The following NRG3 variants were observed in gnomAD, a reference collection of about 807,000 sequenced individuals.
The protein encoded by NRG3 is pro-neuregulin-3, membrane-bound isoform.
In NRG3, 31 loss-of-function variants were observed where a neutral mutation model predicts 66.9. The observed-to-expected ratio is 0.46, with a 90% confidence interval of 0.35 to 0.63. The LOEUF (loss-of-function observed/expected upper bound fraction) is 0.63. Among genes scored for constraint, NRG3 ranks in the 20% least tolerant of loss-of-function variants. NRG3 has a pLI of 0.00. For synonymous variants in NRG3, 393 were observed against 359.4 expected (o/e 1.09, Z -1.06); for missense variants, 910 against 878.9 (o/e 1.04, Z -0.45).
chr10:82,725,298 C>G (rs1165161651), intron 2 of NRG3, among the ~76,000 whole-genome samples: 1 of 152,166 alleles, frequency 6.6e-6, no homozygotes, highest in Non-Finnish European at 1.5e-5. Flanking sequence ...AAGTCAGAAA[C>G]CTGCACCTAA....
chr10:82,408,058 A>AGAGAGAGAGAGC (rs1564887751), intron 2 of NRG3, among the ~76,000 whole-genome samples: 4 of 120,618 alleles, frequency 3.3e-5, no homozygotes, highest in South Asian at 2.7e-4. Flanking sequence ...AGAGAGAGAG[A>AGAGAGAGAGAGC]GAGAGAGAGA....
intron 2 of NRG3, among the ~76,000 whole-genome samples, chr10:82,424,292 T>G (rs2089275948): frequency 6.6e-6 from 1 of 152,022 alleles, no homozygotes; most frequent in Admixed American, 6.6e-5. Context: ...CCAATTTCTC[T>G]ATATCTTCAT....
chr10:81,950,000 G>A (rs1263315224), intron 1 of NRG3, among the ~76,000 whole-genome samples: 1 of 152,124 alleles, frequency 6.6e-6, no homozygotes, highest in Non-Finnish European at 1.5e-5. Context: ...AGATTTCCCA[G>A]GGGACTCTGG....
intron 1 of NRG3, among the ~76,000 whole-genome samples, chr10:81,984,361 T>A (rs2060444678): frequency 6.6e-6 from 1 of 152,238 alleles, no homozygotes; most frequent in Non-Finnish European, 1.5e-5. Context: ...ATTACCACTG[T>A]TATTAATTTA....
At chr10:82,077,656 C>A (rs1362996089) in intron 1 of NRG3, among the ~76,000 whole-genome samples, 1 of 152,154 alleles carries the variant, frequency 6.6e-6, no homozygotes, top group Non-Finnish European at 1.5e-5. Flanking sequence ...TAAGGGCAAG[C>A]AAACATCTTG....
intron 2 of NRG3, among the ~76,000 whole-genome samples, chr10:82,719,377 C>T (rs2057162257): frequency 6.6e-6 from 1 of 152,194 alleles, no homozygotes; most frequent in Non-Finnish European, 1.5e-5. Context: ...GATAAAGATA[C>T]ATACCTTAAT....
In NRG3 at chr10:82,514,066, C is replaced by T. The variant is rs759443480; in HGVS notation, c.953+155198C>T. 7.7e-4 allele frequency among the ~76,000 whole-genome samples: 117 copies of T among 151,986 alleles called. 1 individual carries two copies. The highest frequency in any genetic ancestry group is 2.2e-4 in the Non-Finnish European group (15 of 67,994). The stretch of plus-strand genomic sequence containing the variant: ...TTTTTTCCTGTAATTTGTTTAAGTT[C>T]CTTGTAGATTCTGGATATTAGACCT... On this transcript the variant is annotated intron_variant, in intron 2 of 8. Coordinates refer to ENST00000372141, the MANE Select transcript of NRG3 (RefSeq NM_001010848.4).
intron 1 of NRG3, among the ~76,000 whole-genome samples, chr10:82,316,544 G>A (rs990987191): frequency 2.0e-5 from 3 of 152,112 alleles, no homozygotes; most frequent in Admixed American, 1.3e-4. Context: ...GTAAAATGAA[G>A]GGGTGGGACC....
chr10:82,577,351 T>G (rs1367557498), intron 2 of NRG3, among the ~76,000 whole-genome samples: 1 of 151,746 alleles, frequency 6.6e-6, no homozygotes, highest in Non-Finnish European at 1.5e-5. Context: ...TTGAATTAAA[T>G]TGAATGAAGT....
chr10:82,529,145 A>C (rs552117731), intron 2 of NRG3, among the ~76,000 whole-genome samples: 146 of 152,326 alleles, frequency 9.6e-4, no homozygotes, highest in Non-Finnish European at 1.7e-3. Context: ...TCATAGCTAA[A>C]TCTCTCTTTG....
intron 2 of NRG3, among the ~76,000 whole-genome samples, chr10:82,664,150 T>A (rs2052579959): frequency 6.6e-6 from 1 of 152,208 alleles, no homozygotes; most frequent in Non-Finnish European, 1.5e-5. Flanking sequence ...ATGTCCATAA[T>A]ATATATCATT....
chr10:82,374,260 CGTT>C (rs1332493273), intron 2 of NRG3, among the ~76,000 whole-genome samples: 1 of 152,152 alleles, frequency 6.6e-6, no homozygotes, highest in Non-Finnish European at 1.5e-5. Context: ...TGCAAAGAAA[CGTT>C]GTATCCACAT....
At chr10:82,710,370 C>T (rs1193617109) in intron 2 of NRG3, among the ~76,000 whole-genome samples, 3 of 152,030 alleles carry the variant, frequency 2.0e-5, no homozygotes, top group Admixed American at 6.6e-5. Context: ...TGAATCCTCT[C>T]AGGTCGGGAG....
At chr10:82,533,478 A>G (rs1847505038) in intron 2 of NRG3, among the ~76,000 whole-genome samples, 1 of 151,618 alleles carries the variant, frequency 6.6e-6, no homozygotes, top group South Asian at 2.1e-4. Flanking sequence ...ATGGTATAAG[A>G]TAAAGGTCCA....
At chr10:82,879,154 G>A (rs1374067692) in intron 4 of NRG3, among the ~76,000 whole-genome samples, 1 of 152,038 alleles carries the variant, frequency 6.6e-6, no homozygotes, top group African/African-American at 2.4e-5. Context: ...TTTCTCATCA[G>A]CCTCTTCACT....
intron 1 of NRG3, among the ~76,000 whole-genome samples, chr10:82,294,450 TGTGTGTGTGTG>T (rs2079935904): frequency 6.6e-6 from 1 of 151,856 alleles, no homozygotes; most frequent in East Asian, 1.9e-4. Flanking sequence ...TGTGTGTGTG[TGTGTGTGTGTG>T]TGTATGTGTG....
At chr10:82,313,196 G>T (rs940385745) in intron 1 of NRG3, among the ~76,000 whole-genome samples, 1 of 151,810 alleles carries the variant, frequency 6.6e-6, no homozygotes, top group Admixed American at 6.6e-5. Flanking sequence ...AATTAGCTGG[G>T]CATGGTGGTG....
intron 2 of NRG3, among the ~76,000 whole-genome samples, chr10:82,659,599 G>T (rs560026468): frequency 6.6e-6 from 1 of 152,068 alleles, no homozygotes; most frequent in African/African-American, 2.4e-5. Context: ...AGCCAAGATC[G>T]TGCCACTGCA....
At chr10:82,722,588 A>C (rs1464198223) in intron 2 of NRG3, among the ~76,000 whole-genome samples, 1 of 151,958 alleles carries the variant, frequency 6.6e-6, no homozygotes, top group African/African-American at 2.4e-5. Flanking sequence ...CCAAGCCCCC[A>C]CCCCTAATCT....
Sources: gnomAD v4.1 joint callset for allele counts (sites outside exome capture counted in the v4.1 genomes callset) on GRCh38, gnomAD v4.1.1 for gene constraint, MANE v1.5 for transcripts, NCBI Gene and HGNC (gene_info 2026-07-23, HGNC 2026-07-21) for gene names.